Variants in EYS observed in about 807,000 individuals in gnomAD.
EYS encodes protein eyes shut homolog.
EYS carries 250 observed loss-of-function variants against 282.1 expected under a neutral mutation model. The observed-to-expected ratio is 0.89, with a 90% CI of 0.80 to 0.98. The LOEUF is 0.98. Ranked by LOEUF, EYS falls within the 50% of genes least tolerant of loss-of-function variation. The pLI is 0.00. For missense variants in EYS, 4,016 were observed against 3,709.0 expected (o/e 1.08, Z -2.15); for synonymous variants, 1,355 against 1,282.9 (o/e 1.06, Z -1.20).
At chr6:65,059,092 GA>G in intron 12 of EYS, among the ~76,000 whole-genome samples, 1 of 150,980 alleles carries the variant, frequency 6.6e-6, no homozygotes, top group African/African-American at 2.4e-5. Context: ...GGTAAGCTGA[GA>G]AAAAAAGTGA....
chr6:64,023,858 G>T (rs1224097222), intron 33 of EYS, among the ~76,000 whole-genome samples: 1 of 152,206 alleles, frequency 6.6e-6, no homozygotes, highest in Admixed American at 6.5e-5. Flanking sequence ...GGCTCAGTGG[G>T]CCCCGCACTC....
At chr6:65,451,405 ATTAT>A (rs1264767129) in intron 5 of EYS, among the ~76,000 whole-genome samples, 1 of 152,116 alleles carries the variant, frequency 6.6e-6, no homozygotes. Flanking sequence ...ATCAAAATGC[ATTAT>A]TTGACACTCT....
Position 65,494,644 on chromosome 6 carries a change from A to C in EYS, c.748+19T>G. The C allele has an allele frequency of 6.6e-7, 1 of 1,522,536 alleles. No individual in the cohort carries two copies. The highest frequency in any genetic ancestry group is 2.3e-4 in the Middle Eastern group (1 of 4,406). 94.3% of individuals were successfully genotyped at this position (1,522,536 alleles called of 1,614,324 possible). ...TGTTTCTCTATTTTAATAAAATTAT[A>C]TATTTTAAACAATCTTACCTGTAAA... On this transcript the variant is annotated intron_variant, in intron 4 of 42. Transcript: ENST00000503581.
chr6:65,261,111 A>C (rs994408533), intron 12 of EYS, among the ~76,000 whole-genome samples: 1 of 152,052 alleles, frequency 6.6e-6, no homozygotes, highest in African/African-American at 2.4e-5. Flanking sequence ...TGCATTACGA[A>C]CATTTTAAGA....
chr6:64,367,668 C>T (rs1002854868), intron 29 of EYS, among the ~76,000 whole-genome samples: 4 of 151,484 alleles, frequency 2.6e-5, no homozygotes, highest in East Asian at 3.9e-4. Context: ...ATGGGGTCTA[C>T]GGGGATGAGA....
intron 31 of EYS, among the ~76,000 whole-genome samples, chr6:64,219,948 G>T (rs552749488): frequency 4.6e-5 from 7 of 151,974 alleles, no homozygotes; most frequent in Non-Finnish European, 1.0e-4. Flanking sequence ...AACAAATAGC[G>T]CATGTTCTCA....
intron 8 of EYS, among the ~76,000 whole-genome samples, chr6:65,380,524 G>A (rs926642706): frequency 2.6e-5 from 4 of 152,060 alleles, no homozygotes; most frequent in Admixed American, 6.6e-5. Context: ...AACCCTAGAA[G>A]AAAACCTAGG....
rs374901124 is a variant in EYS, at chr6:65,612,245, T to G, written c.-333+27533A>C. 1.8e-4 allele frequency among the ~76,000 whole-genome samples: 27 copies of G among 151,024 alleles called. No individual in the cohort carries two copies. The East Asian group carries it at 4.7e-3, about 26-fold the overall frequency. Reference sequence around the variant, plus strand: ...TATATGTGTATATGTATATATCATATATATTTATTATGTATGACATATAAT... The same window carrying G: ...TATATGTGTATATGTATATATCATAGATATTTATTATGTATGACATATAAT... On this transcript the variant is annotated intron_variant, in intron 2 of 42. Coordinates refer to ENST00000503581, the MANE Select transcript of EYS (RefSeq NM_001142800.2).
intron 18 of EYS, among the ~76,000 whole-genome samples, chr6:64,895,365 A>G (rs1767425657): frequency 6.6e-6 from 1 of 152,314 alleles, no homozygotes; most frequent in African/African-American, 2.4e-5. Flanking sequence ...CTTTTTAAAG[A>G]TATTTTGAAA....
chr6:64,862,997 T>C (rs970770017), intron 19 of EYS, among the ~76,000 whole-genome samples: 11 of 152,166 alleles, frequency 7.2e-5, no homozygotes, highest in African/African-American at 2.4e-4. Flanking sequence ...TCAGCAAATT[T>C]AGAAAAAGGA....
intron 29 of EYS, among the ~76,000 whole-genome samples, chr6:64,354,691 T>C (rs1771764485): frequency 6.6e-6 from 1 of 151,598 alleles, no homozygotes; most frequent in Non-Finnish European, 1.5e-5. Flanking sequence ...GTTTGAAACT[T>C]TAAGAAATAT....
At chr6:64,205,739 A>C (rs1765590269) in intron 31 of EYS, among the ~76,000 whole-genome samples, 1 of 151,830 alleles carries the variant, frequency 6.6e-6, no homozygotes, top group Admixed American at 6.6e-5. Context: ...GCTGAAGATC[A>C]CCATGTCAAA....
At chr6:64,208,805 G>A (rs1323703242) in intron 31 of EYS, among the ~76,000 whole-genome samples, 1 of 152,042 alleles carries the variant, frequency 6.6e-6, no homozygotes, top group Non-Finnish European at 1.5e-5. Flanking sequence ...GACAGTAGAA[G>A]TAACTGCAAA....
At chr6:64,106,186 T>A (rs556130861) in intron 31 of EYS, among the ~76,000 whole-genome samples, 58 of 152,256 alleles carry the variant, frequency 3.8e-4, no homozygotes, top group African/African-American at 1.3e-3. Context: ...TTATGTGATT[T>A]CATTTTCTTT....
chr6:64,653,711 C>T (rs370253327), intron 22 of EYS, among the ~76,000 whole-genome samples: 16 of 149,690 alleles, frequency 1.1e-4, no homozygotes, highest in African/African-American at 3.9e-4. Flanking sequence ...ACCACAGGCT[C>T]ATACCACCAT....
chr6:64,938,947 A>C (rs1045938613), intron 15 of EYS, among the ~76,000 whole-genome samples: 7 of 151,730 alleles, frequency 4.6e-5, no homozygotes, highest in African/African-American at 1.7e-4. Flanking sequence ...AAGGGGGACT[A>C]TTGTACTGAA....
chr6:65,047,878 G>C (rs1257670788), intron 13 of EYS, among the ~76,000 whole-genome samples: 1 of 151,926 alleles, frequency 6.6e-6, no homozygotes, highest in African/African-American at 2.4e-5. Flanking sequence ...CAGAGGAGCT[G>C]TGTGGAGACC....
chr6:65,675,240 G>T (rs1440022882), intron 1 of EYS, among the ~76,000 whole-genome samples: 1 of 151,446 alleles, frequency 6.6e-6, no homozygotes, highest in African/African-American at 2.4e-5. Context: ...GAATAATATG[G>T]CAATAATAAG....
intron 1 of EYS, among the ~76,000 whole-genome samples, chr6:65,681,782 G>A (rs9342494): frequency 0.051 from 7,717 of 151,742 alleles, 447 homozygotes; most frequent in East Asian, 0.33. Context: ...GACTTCCTTC[G>A]CCCTTTGAGA....
Sources: allele counts gnomAD v4.1 joint callset (sites outside exome capture counted in the v4.1 genomes callset), GRCh38; gene constraint gnomAD v4.1.1; transcripts MANE v1.5; gene names NCBI Gene and HGNC (gene_info 2026-07-23, HGNC 2026-07-21).